The following GNAS-AS1 variants were observed in gnomAD, a reference collection of about 807,000 sequenced individuals.
GNAS-AS1 encodes the protein GNAS antisense RNA 1.
chr20:58,836,918 T>C (rs1368345467), intron 4 of GNAS-AS1, among the ~76,000 whole-genome samples: 1 of 152,202 alleles, frequency 6.6e-6, no homozygotes, highest in African/African-American at 2.4e-5. Flanking sequence ...AGAAAGCGCA[T>C]TGCTAATGCA....
intron 4 of GNAS-AS1, chr20:58,833,792 C>CGA (rs1333562261): frequency 6.6e-6 from 1 of 152,144 alleles, no homozygotes; most frequent in Non-Finnish European, 1.5e-5. Flanking sequence ...TGAAGCCAAG[C>CGA]GAAAATAACA....
rs773416371 is a variant in GNAS-AS1, at chr20:58,840,386, G to C, written n.819+1551C>G. ...CCACGAGCACGAGGAGGCAGACCTTGAGCTGTCCCTCCCCGAGTGCCTAGA... is the reference window on the plus strand; with the variant it reads ...CCACGAGCACGAGGAGGCAGACCTTCAGCTGTCCCTCCCCGAGTGCCTAGA... On this transcript the variant is annotated intron_variant and non_coding_transcript_variant, in intron 4 of 4. Transcript: ENST00000424094. This position sits in a 1 kb window ranked among gnomAD's most constrained non-coding sequence, Gnocchi z 6.0. 7 of 1,613,508 alleles carry C rather than the reference G, an allele frequency of 4.3e-6. No individual in the cohort carries two copies. Among genetic ancestry groups the C allele is most frequent in the Non-Finnish European group, 5.9e-6 (7 of 1,180,014 alleles).
At chr20:58,848,012 G>T (rs1001943748) in intron 2 of GNAS-AS1, among the ~76,000 whole-genome samples, 19 of 152,328 alleles carry the variant, frequency 1.2e-4, no homozygotes, top group Middle Eastern at 6.8e-3. Context: ...GCTGTTCAGA[G>T]AGTCAATGGT....
At chr20:58,830,843 C>G (rs2085564667) in intron 4 of GNAS-AS1, among the ~76,000 whole-genome samples, 1 of 151,800 alleles carries the variant, frequency 6.6e-6, no homozygotes. Flanking sequence ...TGGTTTCTCA[C>G]CTCCAAACTT....
At chr20:58,838,789 C>T (rs1208247803) in intron 4 of GNAS-AS1, 5 of 387,248 alleles carry the variant, frequency 1.3e-5, no homozygotes, top group South Asian at 1.4e-4. Context: ...TAGTGGTGCA[C>T]GCCTGTAATC....
chr20:58,822,819 G>C (rs2085495260), intron 4 of GNAS-AS1, among the ~76,000 whole-genome samples: 1 of 152,064 alleles, frequency 6.6e-6, no homozygotes, highest in Non-Finnish European at 1.5e-5. Context: ...AGGGTGCTGA[G>C]GTTAGCGCTC....
At position 58,831,188 on chromosome 20, in the gene GNAS-AS1, C is replaced by T. The variant is rs556424120; in HGVS notation, n.819+10749G>A. Among the ~76,000 whole-genome samples, 59 of 152,244 alleles carry T rather than the reference C, an allele frequency of 3.9e-4. 1 individual carries two copies. Among genetic ancestry groups the T allele is most frequent in the Admixed American group, 2.0e-4 (3 of 15,286 alleles). On this transcript the variant is annotated intron_variant and non_coding_transcript_variant, in intron 4 of 4. Transcript: ENST00000424094. ...CACAACTGTAAAACCCAAAGGACAT[C>T]GAATTGGAGGTTCCTAGATTTTGAG...
chr20:58,820,868 C>G (rs1004238483), intron 4 of GNAS-AS1, among the ~76,000 whole-genome samples: 1 of 152,234 alleles, frequency 6.6e-6, no homozygotes, highest in Non-Finnish European at 1.5e-5. Flanking sequence ...CAGTTCCTCC[C>G]ATGACACGTG....
intron 1 of GNAS-AS1, among the ~76,000 whole-genome samples, chr20:58,849,914 T>G (rs1252604120): frequency 2.6e-5 from 4 of 152,210 alleles, no homozygotes; most frequent in Admixed American, 2.0e-4. Flanking sequence ...CAAAAAACTT[T>G]CAACATCCTT....
intron 4 of GNAS-AS1, among the ~76,000 whole-genome samples, chr20:58,833,123 G>A (rs2085578374): frequency 6.6e-6 from 1 of 152,228 alleles, no homozygotes; most frequent in Admixed American, 6.5e-5. Context: ...TAAAGGCGAG[G>A]ATCTCCTCCA....
intron 4 of GNAS-AS1, among the ~76,000 whole-genome samples, chr20:58,830,490 C>T (rs1266793114): frequency 1.1e-4 from 6 of 56,672 alleles, no homozygotes; most frequent in Non-Finnish European, 7.9e-5. Flanking sequence ...ACCATCACCA[C>T]CATCACCACC....
At chr20:58,838,170 T>A (rs1447873194) in intron 4 of GNAS-AS1, among the ~76,000 whole-genome samples, 2 of 152,188 alleles carry the variant, frequency 1.3e-5, no homozygotes, top group Non-Finnish European at 2.9e-5. Context: ...TTTGGACTTG[T>A]CACTATGGCC....
chr20:58,823,665 C>A (rs377144776), intron 4 of GNAS-AS1, among the ~76,000 whole-genome samples: 6 of 152,252 alleles, frequency 3.9e-5, no homozygotes, highest in African/African-American at 1.4e-4. Context: ...GGGCTCTGCA[C>A]GTTCCCAATG....
chr20:58,833,798 TAACA>T (rs2085583542), intron 4 of GNAS-AS1: 1 of 152,036 alleles, frequency 6.6e-6, no homozygotes, highest in Admixed American at 6.5e-5. Flanking sequence ...CAAGCGAAAA[TAACA>T]AACAAATACC....
Position 58,841,811 on chromosome 20 carries a change from A to T in GNAS-AS1, n.819+126T>A. 3 of 1,230,874 alleles carry T rather than the reference A, an allele frequency of 2.4e-6. No homozygotes were observed. Among genetic ancestry groups the T allele is most frequent in the Non-Finnish European group, 3.0e-6 (3 of 987,954 alleles). The allele number at this position is 1,230,874 out of a possible 1,614,324, so 76.2% of individuals were successfully genotyped here. ...GTGGCCAGGCTGCATGCGGCTTAGC[A>T]GGAGACGTCCTGGGCTGTTTGCGCA... On this transcript the variant is annotated intron_variant and non_coding_transcript_variant, in intron 4 of 4. Transcript: ENST00000424094. The surrounding 1 kb of genome is among the most constrained non-coding windows in gnomAD (Gnocchi z 5.0).
intron 4 of GNAS-AS1, among the ~76,000 whole-genome samples, chr20:58,835,923 G>C (rs4812037): frequency 6.7e-6 from 1 of 149,860 alleles, no homozygotes; most frequent in East Asian, 1.9e-4. Flanking sequence ...GAGCCTCCAC[G>C]CCCTGCCTTG....
chr20:58,820,841 T>G (rs1340280315), intron 4 of GNAS-AS1, among the ~76,000 whole-genome samples: 1 of 152,196 alleles, frequency 6.6e-6, no homozygotes, highest in Non-Finnish European at 1.5e-5. Flanking sequence ...ACCCCCATAC[T>G]TCAATCACCT....
At chr20:58,842,914 T>C (rs1263716911) in intron 2 of GNAS-AS1, among the ~76,000 whole-genome samples, 1 of 152,224 alleles carries the variant, frequency 6.6e-6, no homozygotes, top group Admixed American at 6.5e-5. Context: ...GAAATGAGCA[T>C]GTTGCCTTGT....
chr20:58,841,306 G>C lies in GNAS-AS1; in HGVS notation n.819+631C>G, dbSNP rs1009151713. On this transcript the variant is annotated intron_variant and non_coding_transcript_variant, in intron 4 of 4. Transcript: ENST00000424094. This position sits in a 1 kb window ranked among gnomAD's most constrained non-coding sequence, Gnocchi z 5.0. ...GGCCTTCTCAGGTGTCCAAAATGTGGTTCGGAGGTGCGCGCGCCAACTTTC... is the reference window on the plus strand; with the variant it reads ...GGCCTTCTCAGGTGTCCAAAATGTGCTTCGGAGGTGCGCGCGCCAACTTTC... The C allele has an allele frequency of 9.4e-7, 1 of 1,059,990 alleles. No individual in the cohort carries two copies. Among genetic ancestry groups the C allele is most frequent in the Middle Eastern group, 4.6e-4 (1 of 2,196 alleles). 65.7% of individuals were successfully genotyped at this position (1,059,990 alleles called of 1,614,324 possible). A position where few individuals can be genotyped will look rare whatever the true frequency, so the allele number is the denominator to read the frequency against.
Sources: allele counts gnomAD v4.1 joint callset (sites outside exome capture counted in the v4.1 genomes callset), GRCh38; gene constraint gnomAD v4.1.1; non-coding constraint Gnocchi (gnomAD v3.1); transcripts MANE v1.5; gene names NCBI Gene and HGNC (gene_info 2026-07-23, HGNC 2026-07-21).